ATAD2B: variants seen among roughly 807,000 people sequenced by gnomAD.
The protein encoded by ATAD2B is ATPase family AAA domain-containing protein 2B.
ATAD2B carries 40 observed loss-of-function variants against 167.6 expected under a neutral mutation model. The observed-to-expected ratio is 0.24, with a 90% CI of 0.19 to 0.31. The LOEUF (loss-of-function observed/expected upper bound fraction) is 0.31, where lower values mean the gene tolerates loss of function less well. Ranked by LOEUF, ATAD2B falls within the 10% of genes least tolerant of loss-of-function variation. The pLI is 1.00. For missense variants in ATAD2B, 1,242 were observed against 1,757.2 expected, an observed-to-expected ratio of 0.71 and a Z score of 5.24; for synonymous variants, 579 against 596.5, an observed-to-expected ratio of 0.97 and a Z score of 0.43.
In ATAD2B at chr2:23,757,488, T is replaced by C; in HGVS notation, c.4008A>G (p.Glu1336=). The C allele has an allele frequency of 2.6e-6, 4 of 1,555,262 alleles. No individual in the cohort carries two copies. Among genetic ancestry groups the C allele is most frequent in the Non-Finnish European group, 3.5e-6 (4 of 1,156,538 alleles). ...GTTCTAACTTCTCATTATTGCTACA[T>C]TCCAGTGCCTCTAGTTTCTCAAGAT... ...GDDLEKLEAL[E]CSNNEKLEPG... is the part of the protein sequence containing the mutation. The change falls in exon 25 of 28, where the codon GAA becomes GAG. Residue 1336 remains glutamate, a synonymous_variant. Transcript: ENST00000238789.
intron 21 of ATAD2B, 24 bp downstream of exon 21, chr2:23,786,003 G>A: frequency 6.4e-7 from 1 of 1,570,700 alleles, no homozygotes; most frequent in Non-Finnish European, 8.6e-7. Flanking sequence ...CAACTTCACT[G>A]TTTGCACACT....
chr2:23,916,650 T>C (rs12475813), intron 1 of ATAD2B, among the ~76,000 whole-genome samples: 80,559 of 152,024 alleles, frequency 0.53, 22,424 homozygotes, highest in East Asian at 0.78. Flanking sequence ...AATATCCTAT[T>C]TCTTCACTTA....
the ATAD2B span, among the ~76,000 whole-genome samples, chr2:23,710,181 T>A: frequency 3.9e-5 from 6 of 152,154 alleles, no homozygotes; most frequent in Non-Finnish European, 8.8e-5. Flanking sequence ...GCAGTCCATA[T>A]GACAAAGGAT....
chr2:23,741,226 A>G, the ATAD2B span, among the ~76,000 whole-genome samples: 1 of 152,150 alleles, frequency 6.6e-6, no homozygotes, highest in African/African-American at 2.4e-5. Flanking sequence ...TGGAACCAAA[A>G]AAGAGCCTGC....
intron 18 of ATAD2B, among the ~76,000 whole-genome samples, chr2:23,804,131 G>A (rs1316974746): frequency 6.6e-6 from 1 of 152,132 alleles, no homozygotes; most frequent in East Asian, 1.9e-4. Flanking sequence ...CTCTTCCCTA[G>A]CGCTTTTGTA....
At chr2:23,827,066 T>C (rs1688366887) in intron 15 of ATAD2B, among the ~76,000 whole-genome samples, 1 of 152,178 alleles carries the variant, frequency 6.6e-6, no homozygotes, top group South Asian at 2.1e-4. Flanking sequence ...TCACGCCCGT[T>C]TGAAGATCTG....
the ATAD2B span, among the ~76,000 whole-genome samples, chr2:23,699,612 A>G: frequency 6.6e-6 from 1 of 151,780 alleles, no homozygotes; most frequent in Admixed American, 6.6e-5. Context: ...CTCATGTTCT[A>G]TCACTTCATC....
chr2:23,698,656 T>TATC, the ATAD2B span, among the ~76,000 whole-genome samples: 1 of 152,228 alleles, frequency 6.6e-6, no homozygotes, highest in African/African-American at 2.4e-5. Context: ...ACCTGTATTA[T>TATC]ATCATTATAT....
At chr2:23,856,443 C>G (rs755133338) in intron 13 of ATAD2B, 11 of 410,090 alleles carry the variant, frequency 2.7e-5, no homozygotes, top group Non-Finnish European at 5.5e-5. Context: ...ATCATAATAG[C>G]TAAAAATAGA....
chr2:23,772,469 C>T (rs1313179917), intron 22 of ATAD2B, among the ~76,000 whole-genome samples: 1 of 152,048 alleles, frequency 6.6e-6, no homozygotes, highest in African/African-American at 2.4e-5. Context: ...TGGCTTTCTA[C>T]CTCGGCTTGA....
At chr2:23,800,402 A>G (rs971109580) in intron 18 of ATAD2B, among the ~76,000 whole-genome samples, 1 of 152,210 alleles carries the variant, frequency 6.6e-6, no homozygotes, top group Non-Finnish European at 1.5e-5. Context: ...TTCCAGGAAC[A>G]TGTGTTGAGA....
intron 7 of ATAD2B, among the ~76,000 whole-genome samples, chr2:23,879,237 T>C (rs551803257): frequency 6.6e-6 from 1 of 151,968 alleles, no homozygotes; most frequent in Non-Finnish European, 1.5e-5. Flanking sequence ...GAAAGGATCA[T>C]AATGTCACAT....
chr2:23,760,731 T>TATACACACACACAC (rs1676606790), intron 24 of ATAD2B, among the ~76,000 whole-genome samples: 1 of 81,724 alleles, frequency 1.2e-5, no homozygotes, highest in Non-Finnish European at 2.7e-5. Flanking sequence ...CACACACACA[T>TATACACACACACAC]ATACACACAC....
At chr2:23,706,454 A>C in the ATAD2B span, 1 of 1,442,170 alleles carries the variant, frequency 6.9e-7, no homozygotes, top group East Asian at 2.7e-5. Context: ...TGAAATGCCT[A>C]ACTCTGTCCC....
intron 22 of ATAD2B, among the ~76,000 whole-genome samples, chr2:23,776,073 G>A (rs1460993128): frequency 6.6e-6 from 1 of 152,058 alleles, no homozygotes; most frequent in African/African-American, 2.4e-5. Flanking sequence ...CCGAGATCAC[G>A]CCACTGTACT....
intron 1 of ATAD2B, among the ~76,000 whole-genome samples, chr2:23,923,106 A>G (rs1704199402): frequency 6.6e-6 from 1 of 152,178 alleles, no homozygotes; most frequent in Admixed American, 6.5e-5. Context: ...AACAATCTAA[A>G]TGTCCAAAAA....
intron 22 of ATAD2B, among the ~76,000 whole-genome samples, chr2:23,774,342 C>G (rs1201195414): frequency 1.3e-5 from 2 of 152,128 alleles, no homozygotes; most frequent in African/African-American, 4.8e-5. Flanking sequence ...GTAGTCCTAG[C>G]TACTCGGGAG....
chr2:23,760,729 CAT>C (rs1553373352), intron 24 of ATAD2B, among the ~76,000 whole-genome samples: 20 of 127,228 alleles, frequency 1.6e-4, no homozygotes, highest in Admixed American at 1.7e-4. Context: ...CACACACACA[CAT>C]ATACACACAC....
At position 23,926,661 on chromosome 2, in the gene ATAD2B, T is replaced by C; in HGVS notation, c.110A>G (p.His37Arg). The change falls in exon 1 of 28, where the codon CAT becomes CGT. Residue 37 changes from histidine (H) to arginine (R), a missense_variant. Coordinates refer to ENST00000238789, the MANE Select transcript of ATAD2B (RefSeq NM_017552.4). Reference protein sequence around the residue: ...AEPGATGGSSHFISSRTRSSK... With the variant: ...AEPGATGGSSRFISSRTRSSK... ...GGAGCGGGTCCGAGAGGAGATGAAA[T>C]GGCTGCTGCCTCCGGTCGCCCCAGG... 1.3e-6 allele frequency: 2 copies of C among 1,560,302 alleles called. No homozygotes were observed. Among genetic ancestry groups the C allele is most frequent in the Non-Finnish European group, 1.7e-6 (2 of 1,153,088 alleles).
Sources: allele counts gnomAD v4.1 joint callset (sites outside exome capture counted in the v4.1 genomes callset), GRCh38; gene constraint gnomAD v4.1.1; transcripts MANE v1.5; gene names NCBI Gene and HGNC (gene_info 2026-07-23, HGNC 2026-07-21).